DPP6: variants seen among roughly 807,000 people sequenced by gnomAD.
DPP6 encodes dipeptidyl peptidase like 6, also known as A-type potassium channel modulatory protein DPP6.
In DPP6, 69 loss-of-function variants were observed where a neutral mutation model predicts 122.6. The observed-to-expected ratio is 0.56, with a 90% CI of 0.46 to 0.69. The LOEUF is 0.69. Ranked by LOEUF, DPP6 falls within the 30% of genes least tolerant of loss-of-function variation. DPP6 has a pLI of 0.00. For synonymous variants in DPP6, 418 were observed against 433.1 expected (o/e 0.97, Z 0.43); for missense variants, 928 against 1,116.9 (o/e 0.83, Z 2.41).
chr7:154,170,137 T>C (rs1797459757), intron 1 of DPP6, among the ~76,000 whole-genome samples: 1 of 152,158 alleles, frequency 6.6e-6, no homozygotes. Flanking sequence ...TAGGTTGCAC[T>C]GATTTGCTTA....
At chr7:154,802,839 A>G (rs1483921456) in intron 13 of DPP6, among the ~76,000 whole-genome samples, 2 of 141,430 alleles carry the variant, frequency 1.4e-5, no homozygotes, top group African/African-American at 5.8e-5. Context: ...ACTGTCTCAA[A>G]AAAAAAAAAA....
intron 1 of DPP6, among the ~76,000 whole-genome samples, chr7:154,363,021 C>T (rs1371900410): frequency 6.6e-6 from 1 of 152,174 alleles, no homozygotes. Context: ...CCTGGAGGAG[C>T]TTTCAGAAGA....
In DPP6 at chr7:153,941,226, G is replaced by A. The variant is rs181596804; in HGVS notation, c.51+53492G>A. On this transcript the variant is annotated intron_variant, in intron 1 of 25. Coordinates refer to the DPP6 transcript ENST00000404039. The stretch of plus-strand genomic sequence containing the variant: ...AGCCCTTGATGTGTTGGAATGTGTT[G>A]TCATTGTAAACCAGCCACTGTTGGC... Among the ~76,000 whole-genome samples, 9 of 152,310 alleles carry A rather than the reference G, an allele frequency of 5.9e-5. No individual in the cohort carries two copies. The East Asian group carries it at 1.5e-3, about 26-fold the overall frequency.
chr7:154,183,934 A>G (rs1030282118), intron 1 of DPP6, among the ~76,000 whole-genome samples: 3 of 152,208 alleles, frequency 2.0e-5, no homozygotes, highest in African/African-American at 7.2e-5. Flanking sequence ...AGGCATCTGT[A>G]GATTTATTTC....
chr7:154,822,156 C>T (rs1275826236), intron 16 of DPP6, among the ~76,000 whole-genome samples: 1 of 152,182 alleles, frequency 6.6e-6, no homozygotes, highest in African/African-American at 2.4e-5. Flanking sequence ...AAATGCTGAG[C>T]TCCCAGAGGC....
chr7:153,942,369 GCTT>G (rs1801736085), intron 1 of DPP6, among the ~76,000 whole-genome samples: 1 of 152,216 alleles, frequency 6.6e-6, no homozygotes, highest in Admixed American at 6.5e-5. Context: ...AGGGAAGAAA[GCTT>G]CTTCATGACA....
intron 1 of DPP6, among the ~76,000 whole-genome samples, chr7:154,198,121 C>T (rs111636586): frequency 0.027 from 4,160 of 152,104 alleles, 181 homozygotes; most frequent in African/African-American, 0.095. Flanking sequence ...GAGCACGGGG[C>T]CCTGTGTCAT....
chr7:154,778,545 T>C (rs73500208), intron 10 of DPP6, among the ~76,000 whole-genome samples: 3,843 of 150,784 alleles, frequency 0.025, 168 homozygotes, highest in African/African-American at 0.09. Context: ...TCATACCTAA[T>C]GGCTTGAGCA....
intron 1 of DPP6, among the ~76,000 whole-genome samples, chr7:154,156,193 A>G (rs1251402505): frequency 1.3e-5 from 2 of 152,256 alleles, no homozygotes; most frequent in Non-Finnish European, 1.5e-5. Flanking sequence ...GATAGGCACC[A>G]ATCCCAGGAG....
In DPP6 at chr7:154,548,703, G is replaced by C. The variant is rs981806772; in HGVS notation, c.552+8077G>C. Among the ~76,000 whole-genome samples, 37 of 152,112 alleles carry C rather than the reference G, an allele frequency of 2.4e-4. 2 individuals carry two copies. Among genetic ancestry groups the C allele is most frequent in the Admixed American group, 2.4e-3 (37 of 15,266 alleles). On this transcript the variant is annotated intron_variant, in intron 4 of 25. Transcript: ENST00000377770. ...CTGTGCAAGGCCCTGACTAGACATG[G>C]TGGTGGGTGGATACAGTGATTAATA...
chr7:154,602,598 G>T (rs1232166715), intron 5 of DPP6, among the ~76,000 whole-genome samples: 1 of 117,782 alleles, frequency 8.5e-6, no homozygotes, highest in African/African-American at 2.7e-5. Flanking sequence ...CTAATTTTTT[G>T]TGTGTGTGTT....
At chr7:154,886,728 G>A (rs897250368) in intron 22 of DPP6, among the ~76,000 whole-genome samples, 3 of 152,148 alleles carry the variant, frequency 2.0e-5, no homozygotes, top group Non-Finnish European at 4.4e-5. Context: ...TTGGAGGAAC[G>A]AGTCCAGCCC....
At chr7:153,987,474 A>G (rs1796908096) in intron 1 of DPP6, among the ~76,000 whole-genome samples, 1 of 152,216 alleles carries the variant, frequency 6.6e-6, no homozygotes, top group South Asian at 2.1e-4. Context: ...TTAGTGGGAG[A>G]TTCTCAATCT....
chr7:154,502,597 T>C (rs11763123), intron 3 of DPP6, among the ~76,000 whole-genome samples: 13,801 of 152,260 alleles, frequency 0.091, 685 homozygotes, highest in Middle Eastern at 0.12. Flanking sequence ...CTGCTGTGAC[T>C]GTGAGGCCTC....
At chr7:154,063,714 G>C (rs1802461592) in intron 1 of DPP6, among the ~76,000 whole-genome samples, 1 of 149,426 alleles carries the variant, frequency 6.7e-6, no homozygotes, top group Non-Finnish European at 1.5e-5. Context: ...TGGGGACTGA[G>C]AGCCAGCCCC....
chr7:154,455,431 G>C (rs75335744), intron 2 of DPP6, among the ~76,000 whole-genome samples: 1 of 152,100 alleles, frequency 6.6e-6, no homozygotes, highest in Non-Finnish European at 1.5e-5. Context: ...CTTGAGGAAT[G>C]TGGTCTACAT....
intron 2 of DPP6, among the ~76,000 whole-genome samples, chr7:154,472,216 A>T (rs540870097): frequency 6.6e-6 from 1 of 152,358 alleles, no homozygotes; most frequent in South Asian, 2.1e-4. Flanking sequence ...TTTAAAGAAA[A>T]TCCACAAGTG....
upstream of DPP6, among the ~76,000 whole-genome samples, chr7:154,049,937 A>T (rs903222499): frequency 1.3e-5 from 2 of 152,202 alleles, no homozygotes; most frequent in African/African-American, 4.8e-5. Context: ...TGCAAGGTGC[A>T]AGAGTATAGC....
intron 8 of DPP6, among the ~76,000 whole-genome samples, chr7:154,742,934 A>T (rs775615352): frequency 4.0e-5 from 6 of 151,810 alleles, no homozygotes; most frequent in Admixed American, 6.6e-5. Flanking sequence ...AGCAAGCCAG[A>T]AATTCCCCTT....
Sources: allele counts gnomAD v4.1 joint callset (sites outside exome capture counted in the v4.1 genomes callset), GRCh38; gene constraint gnomAD v4.1.1; transcripts MANE v1.5; gene names NCBI Gene and HGNC (gene_info 2026-07-23, HGNC 2026-07-21).